Variants in IQGAP2 observed in about 807,000 individuals in gnomAD.
IQGAP2 encodes ras GTPase-activating-like protein IQGAP2.
A neutral mutation model predicts 201.3 loss-of-function variants in IQGAP2; 173 were observed. The observed-to-expected ratio is 0.86, with a 90% CI of 0.76 to 0.98. The LOEUF (loss-of-function observed/expected upper bound fraction) is 0.98. Among genes scored for constraint, IQGAP2 ranks in the 50% least tolerant of loss-of-function variants. The pLI, the probability that IQGAP2 is intolerant of heterozygous loss-of-function variation, is 0.00. For synonymous variants in IQGAP2, 675 were observed against 673.9 expected (o/e 1.00, Z -0.03); for missense variants, 1,687 against 1,864.8 (o/e 0.90, Z 1.76).
At chr5:76,684,744 G>A (rs1460269924) in intron 30 of IQGAP2, among the ~76,000 whole-genome samples, 1 of 152,184 alleles carries the variant, frequency 6.6e-6, no homozygotes, top group Admixed American at 6.5e-5. Flanking sequence ...CCTGTCCTGA[G>A]TTCTGAGGTT....
chr5:76,533,839 G>T (rs1326166862), intron 2 of IQGAP2, among the ~76,000 whole-genome samples: 1 of 152,044 alleles, frequency 6.6e-6, no homozygotes, highest in Non-Finnish European at 1.5e-5. Context: ...CGCCTGGCTT[G>T]CCCTATTATT....
At chr5:76,617,799 C>T (rs1366919395) in intron 13 of IQGAP2, 4 of 1,613,706 alleles carry the variant, frequency 2.5e-6, no homozygotes, top group Non-Finnish European at 3.4e-6. Context: ...GATGAGGAGA[C>T]TCGCCTTAAC....
At chr5:76,509,754 G>A (rs1323241584) in intron 2 of IQGAP2, among the ~76,000 whole-genome samples, 1 of 152,000 alleles carries the variant, frequency 6.6e-6, no homozygotes, top group Non-Finnish European at 1.5e-5. Context: ...GGGCAGAGAT[G>A]GGTCATAGGA....
At chr5:76,418,199 T>TC in intron 1 of IQGAP2, among the ~76,000 whole-genome samples, 1 of 104,332 alleles carries the variant, frequency 9.6e-6, no homozygotes, top group African/African-American at 3.8e-5. Flanking sequence ...AGAGAGAGAC[T>TC]CCGTCTCAAA....
In IQGAP2 at chr5:76,511,222, A is replaced by C. The variant is rs577357508; in HGVS notation, c.146+49553A>C. On this transcript the variant is annotated intron_variant, in intron 2 of 35. Transcript: ENST00000274364. ...CATGAATTCCAGAGATGGGTGGCTA[A>C]TGGTATTGGTTCAACAGCTGTGTGA... is the stretch of plus-strand genomic sequence containing the variant. 2.0e-5 allele frequency among the ~76,000 whole-genome samples: 3 copies of C among 152,246 alleles called. No individual in the cohort carries two copies. The East Asian group carries it at 5.8e-4, about 29-fold the overall frequency.
chr5:76,551,091 G>T (rs1173251320), intron 2 of IQGAP2, among the ~76,000 whole-genome samples: 2 of 150,230 alleles, frequency 1.3e-5, no homozygotes, highest in African/African-American at 4.9e-5. Context: ...TTCCCAGACG[G>T]GGCGGCTGCG....
intron 16 of IQGAP2, among the ~76,000 whole-genome samples, chr5:76,639,534 T>C (rs1384408615): frequency 2.0e-5 from 3 of 152,214 alleles, no homozygotes; most frequent in African/African-American, 4.8e-5. Context: ...CCAAAGGATG[T>C]GAAACCTGCT....
chr5:76,539,233 T>C (rs1414370002), intron 2 of IQGAP2, among the ~76,000 whole-genome samples: 1 of 152,224 alleles, frequency 6.6e-6, no homozygotes, highest in Non-Finnish European at 1.5e-5. Context: ...GTCCAGGGGT[T>C]GTAGGGAACT....
intron 16 of IQGAP2, among the ~76,000 whole-genome samples, chr5:76,640,022 A>G (rs1751443202): frequency 6.6e-6 from 1 of 152,244 alleles, no homozygotes; most frequent in African/African-American, 2.4e-5. Flanking sequence ...GATATACCCC[A>G]GGTATAACTT....
At chr5:76,560,089 T>C (rs1744256774) in intron 2 of IQGAP2, among the ~76,000 whole-genome samples, 1 of 152,240 alleles carries the variant, frequency 6.6e-6, no homozygotes, top group South Asian at 2.1e-4. Context: ...GTGTTTAACA[T>C]AGAAGTGTTT....
At chr5:76,618,675 A>G (rs534297683) in intron 13 of IQGAP2, 19 of 1,493,414 alleles carry the variant, frequency 1.3e-5, no homozygotes, top group African/African-American at 1.3e-4. Flanking sequence ...ACATAAATGT[A>G]TAGTTCAAGA....
chr5:76,637,522 CT>C (rs967730242), intron 16 of IQGAP2, among the ~76,000 whole-genome samples: 6 of 152,162 alleles, frequency 3.9e-5, no homozygotes, highest in Non-Finnish European at 7.4e-5. Flanking sequence ...AAAGGTATTT[CT>C]TTCCCCCCAT....
At chr5:76,477,372 A>C (rs1348755205) in intron 2 of IQGAP2, among the ~76,000 whole-genome samples, 1 of 152,158 alleles carries the variant, frequency 6.6e-6, no homozygotes, top group Non-Finnish European at 1.5e-5. Flanking sequence ...TTACAGCCGC[A>C]TTTGAATAAA....
intron 1 of IQGAP2, among the ~76,000 whole-genome samples, chr5:76,452,206 C>T (rs1403558755): frequency 2.0e-5 from 3 of 148,166 alleles, no homozygotes; most frequent in Non-Finnish European, 3.0e-5. Context: ...TGAGCCACCA[C>T]GCCCAGCCCT....
At position 76,698,165 on chromosome 5, in the gene IQGAP2, C is replaced by A; in HGVS notation, c.4367+18C>A. 1 of 1,534,714 alleles carries A rather than the reference C, an allele frequency of 6.5e-7. No individual in the cohort carries two copies. Among genetic ancestry groups the A allele is most frequent in the Non-Finnish European group, 9.0e-7 (1 of 1,115,932 alleles). On this transcript the variant is annotated intron_variant, in intron 33 of 35. Transcript: ENST00000274364. The stretch of plus-strand genomic sequence containing the variant: ...AAAAGAAAGTAAGTTAAAATCATGT[C>A]ATGTTCATTTGTAATGTCATGATTT...
chr5:76,640,581 G>A (rs557784410), intron 16 of IQGAP2, among the ~76,000 whole-genome samples: 8 of 152,262 alleles, frequency 5.3e-5, no homozygotes, highest in South Asian at 2.1e-4. Context: ...CGAGGGAAGC[G>A]GGAGGTGATG....
intron 2 of IQGAP2, among the ~76,000 whole-genome samples, chr5:76,523,076 C>CTTTTTTTTTT (rs35277348): frequency 1.3e-5 from 1 of 78,372 alleles, no homozygotes; most frequent in Non-Finnish European, 2.3e-5. Context: ...TTTCTTTTGC[C>CTTTTTTTTTT]TTTTTTTTTT....
intron 11 of IQGAP2, among the ~76,000 whole-genome samples, chr5:76,605,648 G>T (rs1747752314): frequency 6.6e-6 from 1 of 152,202 alleles, no homozygotes; most frequent in African/African-American, 2.4e-5. Context: ...AACTGCATTT[G>T]CATGTTATCT....
intron 13 of IQGAP2, chr5:76,617,815 A>G (rs1749140312): frequency 1.2e-6 from 2 of 1,614,008 alleles, no homozygotes; most frequent in South Asian, 1.1e-5. Context: ...TTAACATACC[A>G]CAACCATCTA....
Sources: allele counts gnomAD v4.1 joint callset (sites outside exome capture counted in the v4.1 genomes callset), GRCh38; gene constraint gnomAD v4.1.1; transcripts MANE v1.5; gene names NCBI Gene and HGNC (gene_info 2026-07-23, HGNC 2026-07-21).